The following NEMP1 variants were observed in gnomAD, a reference collection of about 807,000 sequenced individuals.
NEMP1 encodes the protein nuclear envelope integral membrane protein 1.
NEMP1 carries 29 observed loss-of-function variants against 53.7 expected under a neutral mutation model. The observed-to-expected ratio is 0.54, with a 90% confidence interval of 0.40 to 0.74. NEMP1 has a LOEUF of 0.74. Ranked by LOEUF, NEMP1 falls within the 30% of genes least tolerant of loss-of-function variation. The pLI, the probability that NEMP1 is intolerant of heterozygous loss-of-function variation, is 0.00. For synonymous variants in NEMP1, 193 were observed against 192.9 expected (o/e 1.00, Z 0.00); for missense variants, 477 against 528.6 (o/e 0.90, Z 0.96).
intron 5 of NEMP1, among the ~76,000 whole-genome samples, chr12:57,064,435 C>T (rs930570964): frequency 6.6e-6 from 1 of 152,026 alleles, no homozygotes; most frequent in Non-Finnish European, 1.5e-5. Flanking sequence ...GACTTTAATC[C>T]CCCTCTGAGC....
chr12:57,060,994 C>CCATAAT, intron 7 of NEMP1, 49 bp from the exon 8 acceptor site: 1 of 1,583,438 alleles, frequency 6.3e-7, no homozygotes, highest in Non-Finnish European at 8.6e-7. Context: ...TAATCTATAT[C>CCATAAT]CATCCTTACT....
chr12:57,060,782 A>G lies in NEMP1; in HGVS notation c.1144T>C (p.Ser382Pro), dbSNP rs1479903096. The G allele has an allele frequency of 2.5e-6, 4 of 1,611,062 alleles. No homozygotes were observed. Among genetic ancestry groups the G allele is most frequent in the Non-Finnish European group, 2.5e-6 (3 of 1,178,954 alleles). ...SAWKTVSRIQ[S>P]PKRFADFVEG... The stretch of plus-strand genomic sequence containing the variant: ...TCTGGCCGAGTTTACCTTTTTGGAG[A>G]CTGGATTCGAGAAACAGTCTTCCAA... The change falls in exon 8 of 9, where the codon TCT (serine) becomes CCT (proline). Residue 382 changes from serine to proline, a missense_variant. Ser to Pro is a moderately conservative substitution (Grantham distance 74). Coordinates refer to ENST00000300128, the MANE Select transcript of NEMP1 (RefSeq NM_001130963.2).
upstream of NEMP1, among the ~76,000 whole-genome samples, chr12:57,080,893 C>CAA (rs60838518): frequency 1.6e-3 from 135 of 86,962 alleles, no homozygotes; most frequent in East Asian, 8.5e-3. Context: ...TCTCTTGTCT[C>CAA]AAAAAAAAAA....
chr12:57,069,342 C>T (rs2032242423), intron 3 of NEMP1, 36 bp from the exon 4 acceptor site: 1 of 1,353,708 alleles, frequency 7.4e-7, no homozygotes, highest in African/African-American at 1.5e-5. Flanking sequence ...AATAAGGGAA[C>T]AAAACTGCTT....
chr12:57,060,748 C>T (rs1177862319), intron 8 of NEMP1, 24 bp downstream of exon 8: 12 of 1,602,038 alleles, frequency 7.5e-6, no homozygotes, highest in Non-Finnish European at 1.0e-5. Context: ...CTGATAGATG[C>T]TTGGTATATC....
rs776443514 is a variant in NEMP1, at chr12:57,060,886, T to C, written c.1040A>G (p.Tyr347Cys). The change falls in exon 8 of 9, where the codon TAT becomes TGT. Residue 347 changes from tyrosine (Y) to cysteine (C), a missense_variant. Coordinates refer to ENST00000300128, the MANE Select transcript of NEMP1 (RefSeq NM_001130963.2). ...GGTTTCTACCTCTCCTTGTATCCGA[T>C]ATTCTTCTTCTGTCAGGAGACGAGG... ...VPPRLLTEEE[Y>C]RIQGEVETRK... 5 of 1,614,188 alleles carry C rather than the reference T, an allele frequency of 3.1e-6. No individual in the cohort carries two copies. Among genetic ancestry groups the C allele is most frequent in the Non-Finnish European group, 2.5e-6 (3 of 1,180,026 alleles).
At chr12:57,066,464 G>A (rs970193687) in intron 4 of NEMP1, among the ~76,000 whole-genome samples, 5 of 152,134 alleles carry the variant, frequency 3.3e-5, no homozygotes, top group African/African-American at 7.2e-5. Flanking sequence ...CTAGCTTTCG[G>A]TCTGTCTTGG....
chr12:57,065,337 C>A (rs1294210565), intron 4 of NEMP1, among the ~76,000 whole-genome samples: 1 of 152,176 alleles, frequency 6.6e-6, no homozygotes, highest in Admixed American at 6.6e-5. Flanking sequence ...AAGAGGATCA[C>A]CCCTCCTTTG....
upstream of NEMP1, among the ~76,000 whole-genome samples, chr12:57,083,045 G>C (rs560811331): frequency 4.0e-5 from 6 of 151,846 alleles, no homozygotes; most frequent in Non-Finnish European, 7.4e-5. Context: ...TAAAATAAAG[G>C]CTAATATATA....
At chr12:57,086,341 C>T (rs941363147) in intron 1 of NEMP1, among the ~76,000 whole-genome samples, 1 of 152,134 alleles carries the variant, frequency 6.6e-6, no homozygotes, top group African/African-American at 2.4e-5. Flanking sequence ...GAATATTAAT[C>T]CTTTTTATCA....
upstream of NEMP1, among the ~76,000 whole-genome samples, chr12:57,079,695 TA>T (rs1417349003): frequency 1.1e-4 from 17 of 152,164 alleles, no homozygotes; most frequent in African/African-American, 4.1e-4. Flanking sequence ...CTACAGATGA[TA>T]GAGCCAAATG....
intron 1 of NEMP1, among the ~76,000 whole-genome samples, chr12:57,086,287 G>A (rs546623654): frequency 7.9e-5 from 12 of 152,316 alleles, no homozygotes; most frequent in Admixed American, 5.2e-4. Flanking sequence ...AACTAGGACT[G>A]AGGATACTGT....
upstream of NEMP1, among the ~76,000 whole-genome samples, chr12:57,088,232 G>A (rs2033073721): frequency 6.6e-6 from 1 of 152,196 alleles, no homozygotes; most frequent in Non-Finnish European, 1.5e-5. Flanking sequence ...GCTGACAAAA[G>A]CCGACGCGTC....
intron 1 of NEMP1, among the ~76,000 whole-genome samples, chr12:57,075,381 C>G (rs1309649466): frequency 6.9e-6 from 1 of 144,778 alleles, no homozygotes; most frequent in Non-Finnish European, 1.5e-5. Flanking sequence ...GAGCAAGACT[C>G]CATTTCAATA....
intron 3 of NEMP1, 49 bp from the exon 4 acceptor site, chr12:57,069,355 G>C: frequency 8.0e-7 from 1 of 1,249,918 alleles, no homozygotes; most frequent in East Asian, 2.6e-5. Flanking sequence ...AACTGCTTAA[G>C]GTATTATAGA....
Position 57,059,916 on chromosome 12 carries a change from C to G in NEMP1, c.1298G>C (p.Arg433Pro), listed in dbSNP as rs79322678. The change falls in exon 9 of 9, where the codon CGG becomes CCG. Residue 433 changes from arginine to proline, a missense_variant. Transcript: ENST00000300128. ...GTTGTTCTGTGTGATAGCAGGACACCGAGAATATGAGTCCTCCTCCTCAGA... is the reference window on the plus strand; with the variant it reads ...GTTGTTCTGTGTGATAGCAGGACACGGAGAATATGAGTCCTCCTCCTCAGA... ...ASSEEEDSYS[R>P]CPAITQNNFL... 6.2e-7 allele frequency: 1 copy of G among 1,613,778 alleles called. No individual in the cohort carries two copies. The highest frequency in any genetic ancestry group is 8.5e-7 in the Non-Finnish European group (1 of 1,179,906).
At chr12:57,069,577 C>A (rs2032252594) in intron 3 of NEMP1, among the ~76,000 whole-genome samples, 1 of 152,052 alleles carries the variant, frequency 6.6e-6, no homozygotes. Context: ...TTGGACAAAG[C>A]TAGACACAGT....
intron 4 of NEMP1, 147 bp from the exon 5 acceptor site, chr12:57,064,886 C>G (rs2031998146): frequency 1.8e-6 from 1 of 559,108 alleles, no homozygotes; most frequent in Non-Finnish European, 3.0e-6. Flanking sequence ...AATTTGGTTC[C>G]AGACCACTGC....
chr12:57,069,754 C>G (rs2032262508), intron 3 of NEMP1, among the ~76,000 whole-genome samples: 1 of 151,482 alleles, frequency 6.6e-6, no homozygotes, highest in Non-Finnish European at 1.5e-5. Context: ...ATACCACCTA[C>G]TTCCCTTTGC....
Sources: gnomAD v4.1 joint callset for allele counts (sites outside exome capture counted in the v4.1 genomes callset) on GRCh38, gnomAD v4.1.1 for gene constraint, MANE v1.5 for transcripts, NCBI Gene and HGNC (gene_info 2026-07-23, HGNC 2026-07-21) for gene names.